The following GALNT1 variants were observed in gnomAD, a reference collection of about 807,000 sequenced individuals.
The protein encoded by GALNT1 is polypeptide N-acetylgalactosaminyltransferase 1, also known as GalNAc transferase 1.
GALNT1 carries 17 observed loss-of-function variants against 65.7 expected under a neutral mutation model. The observed-to-expected ratio is 0.26, with a 90% CI of 0.18 to 0.39. The LOEUF is 0.39. Ranked by LOEUF, GALNT1 falls within the 10% of genes least tolerant of loss-of-function variation. The pLI is 1.00. For synonymous variants in GALNT1, 210 were observed against 219.7 expected (o/e 0.96, Z 0.39); for missense variants, 460 against 672.8 (o/e 0.68, Z 3.50).
At chr18:35,592,245 C>T (rs2046454036) in intron 1 of GALNT1, among the ~76,000 whole-genome samples, 1 of 152,098 alleles carries the variant, frequency 6.6e-6, no homozygotes, top group Non-Finnish European at 1.5e-5. Flanking sequence ...GGCACTGTGA[C>T]TACAATGGGA....
chr18:35,692,263 C>T lies in GALNT1; in HGVS notation c.1242C>T (p.Tyr414=), dbSNP rs866750798. 6.2e-7 allele frequency: 1 copy of T among 1,604,186 alleles called. No individual in the cohort carries two copies. ...HKLQCKPFSW[Y]LENIYPDSQI... ...TACAATGCAAACCTTTTTCCTGGTA[C>T]CTAGAGAATATATATCCTGATTCTC... Residue 414 remains tyrosine (Y), a synonymous_variant, in exon 9 of 12, where the codon TAC becomes TAT. Coordinates refer to ENST00000269195, the MANE Select transcript of GALNT1 (RefSeq NM_020474.4).
chr18:35,657,169 C>T (rs1598797450), intron 2 of GALNT1, among the ~76,000 whole-genome samples: 1 of 152,064 alleles, frequency 6.6e-6, no homozygotes, highest in Non-Finnish European at 1.5e-5. Context: ...AATCTCGGCT[C>T]ACTGCTGCCT....
intron 1 of GALNT1, among the ~76,000 whole-genome samples, chr18:35,593,286 C>T (rs1241359753): frequency 6.6e-6 from 1 of 152,152 alleles, no homozygotes; most frequent in Non-Finnish European, 1.5e-5. Context: ...GCTGAACAGG[C>T]AGGAGGGTGA....
chr18:35,588,786 TTTTG>T (rs2046408503), intron 1 of GALNT1, among the ~76,000 whole-genome samples: 1 of 151,990 alleles, frequency 6.6e-6, no homozygotes. Context: ...TGTTGAGGCT[TTTTG>T]TTTATTTATT....
intron 3 of GALNT1, among the ~76,000 whole-genome samples, chr18:35,667,167 C>G (rs2047561891): frequency 6.6e-6 from 1 of 152,106 alleles, no homozygotes; most frequent in Non-Finnish European, 1.5e-5. Flanking sequence ...TAAGATTGGT[C>G]TGTGTGAGCA....
In GALNT1 at chr18:35,709,963, G is replaced by A. The variant is rs1211021072; in HGVS notation, c.*193G>A. 1.3e-5 allele frequency: 8 copies of A among 597,190 alleles called. No homozygotes were observed. Among genetic ancestry groups the A allele is most frequent in the Admixed American group, 1.2e-4 (4 of 33,588 alleles). The allele number at this position is 597,190 out of a possible 1,614,324, so 37.0% of individuals were successfully genotyped here. A position where few individuals can be genotyped will look rare whatever the true frequency, so the allele number is the denominator to read the frequency against. On this transcript the variant is annotated 3_prime_UTR_variant, in exon 12 of 12. Transcript: ENST00000269195. ...TGAACCAGCCTTCCTGTCCATGGACGTGAAACTGCATAGTAATGAGACTGT... is the reference window on the plus strand; with the variant it reads ...TGAACCAGCCTTCCTGTCCATGGACATGAAACTGCATAGTAATGAGACTGT...
At chr18:35,595,326 T>G (rs1369907127) in intron 1 of GALNT1, among the ~76,000 whole-genome samples, 1 of 152,174 alleles carries the variant, frequency 6.6e-6, no homozygotes, top group Admixed American at 6.5e-5. Flanking sequence ...CCTGACCTGA[T>G]TTGTTCTGAT....
intron 3 of GALNT1, chr18:35,664,661 A>G (rs908102519): frequency 1.3e-5 from 2 of 152,218 alleles, no homozygotes; most frequent in Non-Finnish European, 2.9e-5. Context: ...TCCTATCAGC[A>G]ATATATTAGT....
chr18:35,662,075 G>C (rs1015550160), intron 2 of GALNT1, among the ~76,000 whole-genome samples: 1 of 152,228 alleles, frequency 6.6e-6, no homozygotes, highest in Admixed American at 6.5e-5. Context: ...TCAGAGACTG[G>C]CAAGTAGAAA....
intron 1 of GALNT1, among the ~76,000 whole-genome samples, chr18:35,610,587 T>C (rs529737982): frequency 6.6e-6 from 1 of 152,314 alleles, no homozygotes; most frequent in Admixed American, 6.5e-5. Flanking sequence ...AATTTTCTTC[T>C]GTGAGTTAAT....
At chr18:35,627,793 A>G (rs1239566618) in intron 1 of GALNT1, among the ~76,000 whole-genome samples, 1 of 152,162 alleles carries the variant, frequency 6.6e-6, no homozygotes, top group Non-Finnish European at 1.5e-5. Flanking sequence ...GGGAAGCACA[A>G]GGGGTCAGGG....
intron 1 of GALNT1, among the ~76,000 whole-genome samples, chr18:35,643,986 T>G (rs1240636659): frequency 2.0e-5 from 3 of 152,170 alleles, no homozygotes; most frequent in Non-Finnish European, 2.9e-5. Context: ...TTAAAGGTAT[T>G]GGTGGAAGTC....
intron 1 of GALNT1, among the ~76,000 whole-genome samples, chr18:35,641,086 A>G (rs553694086): frequency 9.8e-4 from 149 of 152,288 alleles, no homozygotes; most frequent in Non-Finnish European, 1.9e-3. Context: ...TTGGCTTCCC[A>G]AAGTATTGGG....
intron 1 of GALNT1, among the ~76,000 whole-genome samples, chr18:35,584,724 T>C (rs945671650): frequency 2.0e-5 from 3 of 152,208 alleles, no homozygotes. Flanking sequence ...TAGATTCTCA[T>C]AAGTCTTGTG....
chr18:35,634,922 T>G (rs1238763575), intron 1 of GALNT1, among the ~76,000 whole-genome samples: 1 of 152,168 alleles, frequency 6.6e-6, no homozygotes, highest in Non-Finnish European at 1.5e-5. Context: ...GTACACTGAT[T>G]TATTCATTTG....
At chr18:35,662,607 C>T (rs2047493070) in intron 2 of GALNT1, among the ~76,000 whole-genome samples, 1 of 149,362 alleles carries the variant, frequency 6.7e-6, no homozygotes, top group South Asian at 2.1e-4. Flanking sequence ...CTTGATGCCA[C>T]TATTTTTTGT....
At chr18:35,667,084 A>G (rs1441101265) in intron 3 of GALNT1, among the ~76,000 whole-genome samples, 1 of 152,204 alleles carries the variant, frequency 6.6e-6, no homozygotes, top group Non-Finnish European at 1.5e-5. Context: ...ACGAATTCTT[A>G]TACCCTCTGA....
At chr18:35,593,219 G>A (rs1051591761) in intron 1 of GALNT1, among the ~76,000 whole-genome samples, 22 of 152,332 alleles carry the variant, frequency 1.4e-4, no homozygotes, top group African/African-American at 4.8e-4. Context: ...AGAGGGCAGA[G>A]TCAGGAAACC....
At chr18:35,681,067 C>T (rs545695751) in intron 4 of GALNT1, among the ~76,000 whole-genome samples, 29 of 152,142 alleles carry the variant, frequency 1.9e-4, no homozygotes, top group African/African-American at 7.0e-4. Context: ...TTATTCTTCC[C>T]TTTATTCTTC....
Sources: allele counts gnomAD v4.1 joint callset (sites outside exome capture counted in the v4.1 genomes callset), GRCh38; gene constraint gnomAD v4.1.1; transcripts MANE v1.5; gene names NCBI Gene and HGNC (gene_info 2026-07-23, HGNC 2026-07-21).